The following DNAH6 variants were observed in gnomAD, a reference collection of about 807,000 sequenced individuals.
DNAH6 encodes the protein axonemal beta dynein heavy chain 6.
A neutral mutation model predicts 491.4 loss-of-function variants in DNAH6; 340 were observed. The observed-to-expected ratio is 0.69, with a 90% confidence interval of 0.63 to 0.76. The LOEUF is 0.76. DNAH6 is among the 30% of genes least tolerant of loss of function. The pLI, the probability that DNAH6 is intolerant of heterozygous loss-of-function variation, is 0.00. For missense variants in DNAH6, 4,443 were observed against 4,972.2 expected (o/e 0.89, Z 3.20); for synonymous variants, 1,603 against 1,686.1 (o/e 0.95, Z 1.21).
chr2:84,620,848 T>G (rs1687327958), intron 24 of DNAH6, among the ~76,000 whole-genome samples: 1 of 152,134 alleles, frequency 6.6e-6, no homozygotes, highest in African/African-American at 2.4e-5. Flanking sequence ...TGAAGTGTCA[T>G]TTGGACTTTT....
chr2:84,754,092 G>A (rs1673755542), intron 63 of DNAH6, among the ~76,000 whole-genome samples: 1 of 152,034 alleles, frequency 6.6e-6, no homozygotes, highest in South Asian at 2.1e-4. Context: ...AAAGTGCTGG[G>A]ATTACAGGTG....
At chr2:84,799,747 A>C (rs537042160) in intron 70 of DNAH6, among the ~76,000 whole-genome samples, 1 of 152,296 alleles carries the variant, frequency 6.6e-6, no homozygotes, top group African/African-American at 2.4e-5. Flanking sequence ...CCAAAGCCCC[A>C]CTTGGGAAAA....
At chr2:84,630,420 A>G (rs1688294281) in intron 29 of DNAH6, among the ~76,000 whole-genome samples, 1 of 152,180 alleles carries the variant, frequency 6.6e-6, no homozygotes, top group South Asian at 2.1e-4. Context: ...AATGAATCTA[A>G]TGGAGTCTCT....
intron 21 of DNAH6, among the ~76,000 whole-genome samples, chr2:84,608,978 T>A (rs1158355031): frequency 6.6e-6 from 1 of 152,234 alleles, no homozygotes; most frequent in Admixed American, 6.5e-5. Context: ...CAGCACTTGC[T>A]ACTTCACCTT....
At position 84,605,570 on chromosome 2, in the gene DNAH6, T is replaced by G. The variant is rs1685680837; in HGVS notation, c.3152T>G (p.Leu1051Arg). ...CGTGACTCCAAAGATGTGTTTATACTGGGCGGCACAGATGACATACAGGTG... is the reference window on the plus strand; with the variant it reads ...CGTGACTCCAAAGATGTGTTTATACGGGGCGGCACAGATGACATACAGGTG... ...PHRDSKDVFI[L>R]GGTDDIQVLL... Residue 1051 changes from leucine to arginine, a missense_variant, in exon 20 of 77, where the codon CTG (leucine) becomes CGG (arginine). Leu to Arg is a moderately radical substitution (Grantham distance 102). Coordinates refer to ENST00000389394, the MANE Select transcript of DNAH6 (RefSeq NM_001370.2). 6.4e-7 allele frequency: 1 copy of G among 1,551,492 alleles called. No homozygotes were observed. Among genetic ancestry groups the G allele is most frequent in the Non-Finnish European group, 8.7e-7 (1 of 1,146,812 alleles).
At chr2:84,542,479 G>C (rs1296318179) in intron 4 of DNAH6, among the ~76,000 whole-genome samples, 5 of 152,166 alleles carry the variant, frequency 3.3e-5, no homozygotes, top group African/African-American at 1.2e-4. Flanking sequence ...CAAAAAGTCA[G>C]ATAGTGGTAT....
intron 40 of DNAH6, among the ~76,000 whole-genome samples, chr2:84,673,846 T>C (rs751322996): frequency 2.6e-5 from 4 of 152,236 alleles, no homozygotes; most frequent in Admixed American, 6.5e-5. Context: ...GATTCTGCCT[T>C]TCTCAGCCCA....
chr2:84,626,885 C>T (rs1286704967), intron 29 of DNAH6, among the ~76,000 whole-genome samples: 5 of 152,190 alleles, frequency 3.3e-5, no homozygotes, highest in South Asian at 2.1e-4. Flanking sequence ...GGATTACAGG[C>T]GTGAGCCACC....
At chr2:84,604,728 C>T (rs1170185535) in intron 19 of DNAH6, among the ~76,000 whole-genome samples, 177 bp downstream of exon 19, 1 of 152,102 alleles carries the variant, frequency 6.6e-6, no homozygotes, top group Admixed American at 6.5e-5. Context: ...TAAAAATCTC[C>T]TCCTTCTGCT....
At chr2:84,608,094 A>G (rs1215554214) in intron 21 of DNAH6, among the ~76,000 whole-genome samples, 1 of 152,196 alleles carries the variant, frequency 6.6e-6, no homozygotes, top group East Asian at 1.9e-4. Flanking sequence ...TTGCTCATCC[A>G]TAAGAAGCAA....
intron 2 of DNAH6, among the ~76,000 whole-genome samples, chr2:84,520,551 T>G (rs1017729428): frequency 1.3e-5 from 2 of 152,092 alleles, no homozygotes; most frequent in Non-Finnish European, 2.9e-5. Flanking sequence ...AATAGTTGTT[T>G]TTTTCTGTTC....
chr2:84,516,077 C>A (rs1462000439), upstream of DNAH6, among the ~76,000 whole-genome samples: 2 of 152,200 alleles, frequency 1.3e-5, no homozygotes, highest in African/African-American at 4.8e-5. Context: ...CATTTGTCTA[C>A]ACAACCCACA....
chr2:84,597,987 T>A (rs1352838511), intron 18 of DNAH6, among the ~76,000 whole-genome samples: 1 of 151,600 alleles, frequency 6.6e-6, no homozygotes, highest in African/African-American at 2.4e-5. Flanking sequence ...TTTAAAAACA[T>A]GATGCAAGTA....
At chr2:84,726,128 T>G (rs1333200429) in intron 60 of DNAH6, among the ~76,000 whole-genome samples, 2 of 152,214 alleles carry the variant, frequency 1.3e-5, no homozygotes, top group Non-Finnish European at 1.5e-5. Flanking sequence ...AGGAAAGGCC[T>G]GCACAGCCTC....
chr2:84,677,016 CA>C lies in DNAH6; in HGVS notation c.6625del (p.Ile2209TyrfsTer14), dbSNP rs1431760047. ...FWKEIQDVTIISACAPPGGGR... is the reference protein window; with the variant it reads ...FWKEIQDVTIXSACAPPGGGR... Reference sequence around the variant, plus strand: ...TTCTCTGCACACAGGATGTAACAATCATATCGGCATGTGCACCTCCAGGCGG... The same window carrying C: ...TTCTCTGCACACAGGATGTAACAATCTATCGGCATGTGCACCTCCAGGCGG... On this transcript the variant is annotated frameshift_variant, in exon 41 of 77. Transcript: ENST00000389394. LOFTEE classifies it high-confidence loss of function. 6.4e-7 allele frequency: 1 copy of C among 1,551,828 alleles called. No homozygotes were observed. Among genetic ancestry groups the C allele is most frequent in the Non-Finnish European group, 8.7e-7 (1 of 1,147,006 alleles).
chr2:84,550,015 G>A lies in DNAH6; in HGVS notation c.1443G>A (p.Gln481=). The A allele has an allele frequency of 1.2e-6, 2 of 1,613,862 alleles. No homozygotes were observed. The highest frequency in any genetic ancestry group is 1.7e-6 in the Non-Finnish European group (2 of 1,179,946). Residue 481 remains glutamine (Q), a synonymous_variant, in exon 9 of 77, where the codon CAG becomes CAA. Transcript: ENST00000389394. ...GAACACCTTCAGCAGATGTCATTCA[G>A]AAATGGATTACTGAAGAGAAGCCTG... The part of the protein sequence containing the change: ...LKRTPSADVI[Q]KWITEEKPEV...
chr2:84,710,562 AC>A, intron 56 of DNAH6, 150 bp downstream of exon 56: 1 of 725,850 alleles, frequency 1.4e-6, no homozygotes, highest in South Asian at 1.7e-5. Flanking sequence ...CTTAAACAAT[AC>A]ATTATCACAT....
chr2:84,556,127 G>A (rs779635994), intron 10 of DNAH6, among the ~76,000 whole-genome samples: 2 of 152,266 alleles, frequency 1.3e-5, no homozygotes, highest in African/African-American at 2.4e-5. Context: ...GGAGAAAGGG[G>A]GTTGTGATAT....
chr2:84,564,505 A>G lies in DNAH6; in HGVS notation c.1803+6570A>G, dbSNP rs13414268. On this transcript the variant is annotated intron_variant, in intron 11 of 76. Coordinates refer to ENST00000389394, the MANE Select transcript of DNAH6 (RefSeq NM_001370.2). Reference sequence around the variant, plus strand: ...ATCTCAGCTTGACCATTTAAGGTGTATAGAAATGCTACTGATTTTTGTACA... The same window carrying G: ...ATCTCAGCTTGACCATTTAAGGTGTGTAGAAATGCTACTGATTTTTGTACA... Among the ~76,000 whole-genome samples, 6 of 151,990 alleles carry G rather than the reference A, an allele frequency of 3.9e-5. No homozygotes were observed. The East Asian group carries it at 7.7e-4, about 20-fold the overall frequency.
Sources: gnomAD v4.1 joint callset for allele counts (sites outside exome capture counted in the v4.1 genomes callset) on GRCh38, gnomAD v4.1.1 for gene constraint, MANE v1.5 for transcripts, NCBI Gene and HGNC (gene_info 2026-07-23, HGNC 2026-07-21) for gene names.